The following RYR2 variants were observed in gnomAD, a reference collection of about 807,000 sequenced individuals.
RYR2 encodes the protein cardiac muscle ryanodine receptor-calcium release channel.
Under a neutral mutation model 601.1 loss-of-function variants are expected in RYR2, and 227 were observed. The ratio of observed to expected loss-of-function variants is 0.38; its 90% CI spans 0.34 to 0.42. RYR2 has a LOEUF of 0.42. Ranked by LOEUF, RYR2 falls within the 10% of genes least tolerant of loss-of-function variation. The pLI is 1.00. For synonymous variants in RYR2, 2,223 were observed against 2,175.1 expected, an observed-to-expected ratio of 1.02 and a Z score of -0.61; for missense variants, 4,646 against 6,156.5, an observed-to-expected ratio of 0.75 and a Z score of 8.21.
chr1:237,678,817 A>T (rs929323122), intron 61 of RYR2, among the ~76,000 whole-genome samples: 14 of 152,184 alleles, frequency 9.2e-5, no homozygotes, highest in African/African-American at 3.1e-4. Context: ...CCCCTGGGTA[A>T]GCTTTCTTGT....
intron 10 of RYR2, among the ~76,000 whole-genome samples, chr1:237,392,277 C>T (rs181109722): frequency 5.3e-5 from 8 of 151,998 alleles, no homozygotes; most frequent in Admixed American, 5.2e-4. Flanking sequence ...GTAACTATAG[C>T]CAACAATAAA....
chr1:237,328,146 A>C (rs1696339744), intron 2 of RYR2, among the ~76,000 whole-genome samples: 1 of 152,216 alleles, frequency 6.6e-6, no homozygotes, highest in South Asian at 2.1e-4. Flanking sequence ...GCTACAAATC[A>C]AGGCATTTTT....
chr1:237,457,797 G>A (rs1038015293), intron 16 of RYR2, among the ~76,000 whole-genome samples: 1 of 152,120 alleles, frequency 6.6e-6, no homozygotes, highest in Admixed American at 6.5e-5. Context: ...CAGAGACCAC[G>A]GGGAATGGTC....
intron 76 of RYR2, among the ~76,000 whole-genome samples, chr1:237,727,805 A>G (rs933745363): frequency 2.0e-5 from 3 of 152,186 alleles, no homozygotes; most frequent in Admixed American, 1.3e-4. Context: ...TCTCTTAGAC[A>G]TAGAGCAGAC....
rs72767769 is a variant in RYR2, at chr1:237,524,004, T to C, written c.2823-6423T>C. ...ACCACTTTGGAAAATAGTTTGGAAGTTTCTTAAAAAGTTAAACATAAACTT... is the reference window on the plus strand; with the variant it reads ...ACCACTTTGGAAAATAGTTTGGAAGCTTCTTAAAAAGTTAAACATAAACTT... On this transcript the variant is annotated intron_variant, in intron 24 of 104. Coordinates refer to ENST00000366574, the MANE Select transcript of RYR2 (RefSeq NM_001035.3). 1.6e-3 allele frequency among the ~76,000 whole-genome samples: 236 copies of C among 152,252 alleles called. 1 individual carries two copies. The highest frequency in any genetic ancestry group is 0.013 in the East Asian group (68 of 5,168).
intron 25 of RYR2, among the ~76,000 whole-genome samples, chr1:237,530,869 C>A (rs1039227134): frequency 6.6e-6 from 1 of 151,036 alleles, no homozygotes; most frequent in Non-Finnish European, 1.5e-5. Context: ...AAGATCGTGC[C>A]ACTGCACTCC....
intron 101 of RYR2, among the ~76,000 whole-genome samples, chr1:237,821,854 A>G (rs943164659): frequency 6.6e-6 from 1 of 151,870 alleles, no homozygotes; most frequent in African/African-American, 2.4e-5. Flanking sequence ...GCTGAAAAAC[A>G]CAGCACAAGA....
At chr1:237,061,264 CT>C (rs1436868795) in intron 1 of RYR2, among the ~76,000 whole-genome samples, 1,063 of 91,930 alleles carry the variant, frequency 0.012, 7 homozygotes, top group Admixed American at 0.025. Context: ...ATCTATCTAT[CT>C]ATCCATCTAT....
chr1:237,614,357 C>G lies in RYR2; in HGVS notation c.5229C>G (p.Asn1743Lys). Residue 1743 changes from asparagine to lysine, a missense_variant, in exon 37 of 105, where the codon AAC becomes AAG. Coordinates refer to ENST00000366574, the MANE Select transcript of RYR2 (RefSeq NM_001035.3). The surrounding 1 kb of genome is among the most constrained non-coding windows in gnomAD (Gnocchi z 4.3). The stretch of plus-strand genomic sequence containing the variant: ...GCATCACCCTGTTCCCTGATGAGAA[C>G]AAAAAACACGGCCTTCCAGGGATCG... ...TKSITLFPDE[N>K]KKHGLPGIGL... is the part of the protein sequence containing the mutation. 1 of 1,614,030 alleles carries G rather than the reference C, an allele frequency of 6.2e-7. No homozygotes were observed. Among genetic ancestry groups the G allele is most frequent in the Non-Finnish European group, 8.5e-7 (1 of 1,179,890 alleles).
intron 84 of RYR2, among the ~76,000 whole-genome samples, chr1:237,768,228 TTAA>T (rs1693991546): frequency 6.6e-6 from 1 of 152,216 alleles, no homozygotes; most frequent in Non-Finnish European, 1.5e-5. Context: ...ATAAACACAA[TTAA>T]TAAATTCAAA....
At chr1:237,298,859 G>C (rs916806133) in intron 2 of RYR2, among the ~76,000 whole-genome samples, 1 of 152,026 alleles carries the variant, frequency 6.6e-6, no homozygotes, top group Admixed American at 6.6e-5. Context: ...AATTAGCCGA[G>C]TATGGTGGTG....
intron 44 of RYR2, among the ~76,000 whole-genome samples, chr1:237,635,341 T>C (rs1261540807): frequency 6.6e-6 from 1 of 152,204 alleles, no homozygotes; most frequent in East Asian, 1.9e-4. Flanking sequence ...ACGTTCTGTA[T>C]CTGTATTCTT....
rs544539699 is a variant in RYR2, at chr1:237,359,565, A to G, written c.294+3580A>G. ...ATATGAAAATTAAAATGGCTTCTGT[A>G]TAAATCTTCTGATAACATTATTCTG... On this transcript the variant is annotated intron_variant, in intron 4 of 104. Coordinates refer to ENST00000366574, the MANE Select transcript of RYR2 (RefSeq NM_001035.3). 1.2e-4 allele frequency among the ~76,000 whole-genome samples: 18 copies of G among 152,312 alleles called. 1 individual carries two copies. In the South Asian group the frequency reaches 3.1e-3, roughly 26 times the overall value.
chr1:237,047,603 G>A (rs1434699073), intron 1 of RYR2, among the ~76,000 whole-genome samples: 1 of 151,950 alleles, frequency 6.6e-6, no homozygotes, highest in Non-Finnish European at 1.5e-5. Context: ...CCAGGATGTT[G>A]CCAGTAACTC....
chr1:237,730,110 C>T, intron 76 of RYR2, 150 bp from the exon 77 acceptor site: 1 of 569,518 alleles, frequency 1.8e-6, no homozygotes. Flanking sequence ...CTGCAAGAAG[C>T]ATTGTCTTTC....
intron 35 of RYR2, among the ~76,000 whole-genome samples, chr1:237,608,618 C>T (rs1227175533): frequency 6.6e-6 from 1 of 152,086 alleles, no homozygotes; most frequent in Non-Finnish European, 1.5e-5. Context: ...GGGAGGATCA[C>T]TTGAGAGTGC....
chr1:237,785,837 C>T (rs769940864), intron 90 of RYR2, 132 bp from the exon 91 acceptor site: 50 of 689,348 alleles, frequency 7.3e-5, no homozygotes, highest in Non-Finnish European at 1.0e-4. Flanking sequence ...AAACACGTGG[C>T]GCTTTTATCG....
intron 79 of RYR2, among the ~76,000 whole-genome samples, chr1:237,735,600 C>T (rs1013005962): frequency 1.3e-5 from 2 of 152,092 alleles, no homozygotes; most frequent in African/African-American, 4.8e-5. Context: ...TACATTTACC[C>T]GGTACAGTCA....
chr1:237,199,328 T>C (rs1337482653), intron 1 of RYR2, among the ~76,000 whole-genome samples: 1 of 152,192 alleles, frequency 6.6e-6, no homozygotes, highest in Non-Finnish European at 1.5e-5. Flanking sequence ...TCAAAAGTAG[T>C]GAAGCCAGCA....
Sources: allele counts gnomAD v4.1 joint callset (sites outside exome capture counted in the v4.1 genomes callset), GRCh38; gene constraint gnomAD v4.1.1; non-coding constraint Gnocchi (gnomAD v3.1); transcripts MANE v1.5; gene names NCBI Gene and HGNC (gene_info 2026-07-23, HGNC 2026-07-21).